Variants in EIF2AK2 observed in about 807,000 individuals in gnomAD.
EIF2AK2 encodes interferon-induced, double-stranded RNA-activated protein kinase.
A neutral mutation model predicts 70.5 loss-of-function variants in EIF2AK2; 40 were observed. The ratio of observed to expected loss-of-function variants is 0.57; its 90% CI spans 0.44 to 0.74. The LOEUF is 0.74. EIF2AK2 is among the 30% of genes least tolerant of loss of function. EIF2AK2 has a pLI of 0.00. For missense variants in EIF2AK2, 555 were observed against 644.3 expected (o/e 0.86, Z 1.50); for synonymous variants, 198 against 220.9 (o/e 0.90, Z 0.92).
At chr2:37,125,694 T>A (rs1674704516) in intron 11 of EIF2AK2, among the ~76,000 whole-genome samples, 2 of 152,238 alleles carry the variant, frequency 1.3e-5, no homozygotes, top group Non-Finnish European at 2.9e-5. Flanking sequence ...AGATGACTAC[T>A]GACTGCAAAT....
At chr2:37,131,479 T>A (rs1317477913) in intron 10 of EIF2AK2, among the ~76,000 whole-genome samples, 1 of 152,194 alleles carries the variant, frequency 6.6e-6, no homozygotes, top group African/African-American at 2.4e-5. Flanking sequence ...CTATAAGATA[T>A]GCTCAGCCAT....
chr2:37,109,288 G>A lies in EIF2AK2; in HGVS notation c.1385C>T (p.Ser462Leu), dbSNP rs759392578. The change falls in exon 15 of 17, where the codon TCG becomes TTG. Residue 462 changes from serine (S) to leucine (L), a missense_variant. This residue lies in a region of EIF2AK2 where 299 missense variants were observed against 375.4 expected (regional missense o/e 0.80). Transcript: ENST00000233057. ...GTCCACTTCCTTTCCATAGTCTTGC[G>A]AAGAAATCTAAAGAGACCAAAATAG... ...LRYMSPEQISSQDYGKEVDLY... is the reference protein window; with the variant it reads ...LRYMSPEQISLQDYGKEVDLY... The A allele has an allele frequency of 3.7e-5, 59 of 1,613,658 alleles. No individual in the cohort carries two copies. Among genetic ancestry groups the A allele is most frequent in the Non-Finnish European group, 4.7e-5 (55 of 1,179,840 alleles).
chr2:37,111,903 ATATATATATC>A (rs1487564048), intron 14 of EIF2AK2, among the ~76,000 whole-genome samples: 1 of 124,776 alleles, frequency 8.0e-6, no homozygotes, highest in African/African-American at 3.0e-5. Flanking sequence ...ATATATATAT[ATATATATATC>A]ATAATAAATC....
intron 1 of EIF2AK2, among the ~76,000 whole-genome samples, chr2:37,152,773 T>C (rs148599045): frequency 6.6e-6 from 1 of 152,346 alleles, no homozygotes; most frequent in Non-Finnish European, 1.5e-5. Flanking sequence ...TTCAGATCTC[T>C]CTATCCAAAT....
chr2:37,130,507 T>C (rs1674902317), intron 10 of EIF2AK2, among the ~76,000 whole-genome samples: 1 of 152,212 alleles, frequency 6.6e-6, no homozygotes, highest in Non-Finnish European at 1.5e-5. Context: ...TTGCAACAAA[T>C]AACTCCACTA....
rs1247561470 is a variant in EIF2AK2 at position 37,099,415 on chromosome 2, T to C, written c.*7858A>G. The stretch of plus-strand genomic sequence containing the variant: ...ACAGCTTGTCCCCACTCTTACAGTG[T>C]AATGAAATTAGCAGTATAATGAAGA... On this transcript the variant is annotated 3_prime_UTR_variant, in exon 17 of 17. Coordinates refer to ENST00000233057, the MANE Select transcript of EIF2AK2 (RefSeq NM_001135651.3). The C allele has an allele frequency of 6.6e-6, 1 of 152,184 alleles. No individual in the cohort carries two copies. The highest frequency in any genetic ancestry group is 1.5e-5 in the Non-Finnish European group (1 of 68,030). The allele number at this position is 152,184 out of a possible 1,614,324, so 9.4% of individuals were successfully genotyped here.
chr2:37,117,766 T>C (rs1674395926), intron 13 of EIF2AK2, among the ~76,000 whole-genome samples: 1 of 152,118 alleles, frequency 6.6e-6, no homozygotes, highest in African/African-American at 2.4e-5. Flanking sequence ...GAAACCCCTA[T>C]GTCCCTTCCC....
intron 11 of EIF2AK2, among the ~76,000 whole-genome samples, chr2:37,125,230 C>T (rs1674691571): frequency 1.3e-5 from 2 of 152,128 alleles, no homozygotes; most frequent in Non-Finnish European, 1.5e-5. Context: ...AGGCTGGTCT[C>T]GAACTCCTGA....
chr2:37,124,777 T>C (rs2148682328), intron 11 of EIF2AK2, among the ~76,000 whole-genome samples: 1 of 151,458 alleles, frequency 6.6e-6, no homozygotes, highest in African/African-American at 2.4e-5. Context: ...ACCCAGGCTG[T>C]AGTGCAGTGG....
At position 37,120,130 on chromosome 2, in the gene EIF2AK2, A is replaced by AGCT; in HGVS notation, c.1076_1077insAGC (p.Thr359_Lys360insAla). On this transcript the variant is annotated inframe_insertion, in exon 13 of 17. Transcript: ENST00000233057. ...ATTCCATTTGGATGAAAAGGCACTT[A>AGCT]GTCTTTGACCTGGGTATAAAATTCA... 6.9e-7 allele frequency: 1 copy of AGCT among 1,456,002 alleles called. No homozygotes were observed. Among genetic ancestry groups the AGCT allele is most frequent in the Non-Finnish European group, 9.1e-7 (1 of 1,098,058 alleles). The allele number at this position is 1,456,002 out of a possible 1,614,324, so 90.2% of individuals were successfully genotyped here. A position where few individuals can be genotyped will look rare whatever the true frequency, so the allele number is the denominator to read the frequency against.
intron 1 of EIF2AK2, among the ~76,000 whole-genome samples, chr2:37,150,747 A>T (rs75066349): frequency 0.032 from 4,861 of 152,266 alleles, 119 homozygotes; most frequent in South Asian, 0.064. Flanking sequence ...AAAAGTTTTA[A>T]TACTTTAAAA....
At chr2:37,146,329 G>A (rs1231825203) in intron 4 of EIF2AK2, among the ~76,000 whole-genome samples, 1 of 152,124 alleles carries the variant, frequency 6.6e-6, no homozygotes, top group Non-Finnish European at 1.5e-5. Context: ...GTTAAGCAAT[G>A]CATAACTGTA....
intron 11 of EIF2AK2, among the ~76,000 whole-genome samples, chr2:37,124,435 T>C (rs567687704): frequency 4.2e-4 from 64 of 152,254 alleles, no homozygotes; most frequent in African/African-American, 1.5e-3. Context: ...CTAATTTTTG[T>C]ATTTTTAGTA....
At chr2:37,154,160 C>T (rs1390426021) in intron 1 of EIF2AK2, among the ~76,000 whole-genome samples, 13 of 152,032 alleles carry the variant, frequency 8.6e-5, no homozygotes. Flanking sequence ...AACCCCATCT[C>T]TACTAAAAAT....
At chr2:37,144,206 C>A (rs1467908899) in intron 4 of EIF2AK2, among the ~76,000 whole-genome samples, 1 of 152,176 alleles carries the variant, frequency 6.6e-6, no homozygotes. Flanking sequence ...TTTGTGGTGA[C>A]ACTACTGTAA....
chr2:37,126,911 C>T (rs986317602), intron 10 of EIF2AK2, among the ~76,000 whole-genome samples: 1 of 132,664 alleles, frequency 7.5e-6, no homozygotes, highest in Admixed American at 8.9e-5. Context: ...GAGCCAAGAT[C>T]ACACCACTGC....
At position 37,101,881 on chromosome 2, in the gene EIF2AK2, TA is replaced by T. The variant is rs1673835777; in HGVS notation, c.*5391del. 6.6e-6 allele frequency: 1 copy of T among 152,168 alleles called. No homozygotes were observed. The highest frequency in any genetic ancestry group is 1.5e-5 in the Non-Finnish European group (1 of 68,032). The allele number at this position is 152,168 out of a possible 1,614,324, so 9.4% of individuals were successfully genotyped here. A position where few individuals can be genotyped will look rare whatever the true frequency, so the allele number is the denominator to read the frequency against. On this transcript the variant is annotated 3_prime_UTR_variant, in exon 17 of 17. Coordinates refer to ENST00000233057, the MANE Select transcript of EIF2AK2 (RefSeq NM_001135651.3). ...TGTGACAATGATGCTGTGGTTTTGT[TA>T]AAAAGATTTATCTGCTAGAGATACA... is the stretch of plus-strand genomic sequence containing the variant.
At chr2:37,151,667 C>T (rs1489731827) in intron 1 of EIF2AK2, among the ~76,000 whole-genome samples, 1 of 152,098 alleles carries the variant, frequency 6.6e-6, no homozygotes, top group Admixed American at 6.5e-5. Context: ...TAACAATAGC[C>T]AAAAGGTGGA....
At chr2:37,128,852 A>T (rs2148688056) in intron 10 of EIF2AK2, among the ~76,000 whole-genome samples, 1 of 152,352 alleles carries the variant, frequency 6.6e-6, no homozygotes, top group South Asian at 2.1e-4. Context: ...CCACATGATT[A>T]CCTGTCTCCT....
Sources: allele counts gnomAD v4.1 joint callset (sites outside exome capture counted in the v4.1 genomes callset), GRCh38; gene constraint gnomAD v4.1.1; regional missense constraint gnomAD v4.1.1; transcripts MANE v1.5; gene names NCBI Gene and HGNC (gene_info 2026-07-23, HGNC 2026-07-21).